ELOVL6: variants seen among roughly 807,000 people sequenced by gnomAD.
ELOVL6 encodes ELOVL fatty acid elongase 6.
A neutral mutation model predicts 31.7 loss-of-function variants in ELOVL6; 8 were observed. That is an observed-to-expected ratio of 0.25 (90% confidence interval 0.15 to 0.45). ELOVL6 has a LOEUF of 0.45. Ranked by LOEUF, ELOVL6 falls within the 20% of genes least tolerant of loss-of-function variation. The pLI, the probability that ELOVL6 is intolerant of heterozygous loss-of-function variation, is 1.00. For synonymous variants in ELOVL6, 101 were observed against 117.7 expected (o/e 0.86, Z 0.92); for missense variants, 126 against 326.4 (o/e 0.39, Z 4.73).
intron 1 of ELOVL6, among the ~76,000 whole-genome samples, chr4:110,158,657 A>ATATATTTT: frequency 1.9e-4 from 14 of 74,160 alleles, no homozygotes; most frequent in African/African-American, 1.2e-3. Context: ...ATATATATAT[A>ATATATTTT]TTTTTTTTTT....
chr4:110,093,733 T>C (rs1756486001), intron 2 of ELOVL6, among the ~76,000 whole-genome samples: 1 of 152,130 alleles, frequency 6.6e-6, no homozygotes, highest in South Asian at 2.1e-4. Context: ...CAAAAATCAC[T>C]GCCCTCATGG....
chr4:110,141,057 G>A (rs1389101186), intron 1 of ELOVL6, among the ~76,000 whole-genome samples: 4 of 151,568 alleles, frequency 2.6e-5, no homozygotes, highest in African/African-American at 9.8e-5. Flanking sequence ...TTCAAGTATT[G>A]AATTGGTTTT....
Position 110,137,403 on chromosome 4 carries a change from CAG to C in ELOVL6, c.90-31777_90-31776del, listed in dbSNP as rs200101974. On this transcript the variant is annotated intron_variant, in intron 1 of 3. Coordinates refer to ENST00000302274, the MANE Select transcript of ELOVL6 (RefSeq NM_024090.3). ...CTTTCTTTGGGGCAAAGTTGGAAAG[CAG>C]AGGTCAAAGTCAATCAGAAATGGGA... Among the ~76,000 whole-genome samples, 389 of 152,242 alleles carry C rather than the reference CAG, an allele frequency of 2.6e-3. 5 individuals carry two copies. Among genetic ancestry groups the C allele is most frequent in the East Asian group, 4.2e-3 (22 of 5,184 alleles).
At chr4:110,177,694 A>G (rs972536139) in intron 1 of ELOVL6, among the ~76,000 whole-genome samples, 2 of 152,140 alleles carry the variant, frequency 1.3e-5, no homozygotes, top group South Asian at 4.1e-4. Context: ...GATAGAACCT[A>G]GGTCATTGAT....
chr4:110,112,907 C>T (rs1045753827), intron 1 of ELOVL6, among the ~76,000 whole-genome samples: 1 of 151,142 alleles, frequency 6.6e-6, no homozygotes, highest in East Asian at 2.0e-4. Context: ...AATTAAAATC[C>T]ATTCAATTTT....
At chr4:110,149,078 T>A (rs1484556746) in intron 1 of ELOVL6, among the ~76,000 whole-genome samples, 1 of 152,172 alleles carries the variant, frequency 6.6e-6, no homozygotes, top group East Asian at 1.9e-4. Flanking sequence ...CTGAGGCTGG[T>A]CTTGAACTCC....
At chr4:110,112,557 T>C (rs1387910311) in intron 1 of ELOVL6, among the ~76,000 whole-genome samples, 2 of 152,194 alleles carry the variant, frequency 1.3e-5, no homozygotes, top group Admixed American at 6.5e-5. Flanking sequence ...CTTGCTGCTC[T>C]AGTTAGCAAA....
chr4:110,093,686 A>G (rs2126240673), intron 2 of ELOVL6, among the ~76,000 whole-genome samples: 1 of 152,310 alleles, frequency 6.6e-6, no homozygotes, highest in Admixed American at 6.5e-5. Flanking sequence ...AAGAGCACCT[A>G]CTTAGGCACT....
Position 110,090,606 on chromosome 4 carries a change from T to TG in ELOVL6, c.221+14890_221+14891insC, listed in dbSNP as rs201689820. Among the ~76,000 whole-genome samples, 198 of 139,974 alleles carry TG rather than the reference T, an allele frequency of 1.4e-3. 4 individuals are homozygous for TG. Among genetic ancestry groups the TG allele is most frequent in the Middle Eastern group, 3.6e-3 (1 of 278 alleles). The allele number at this position is 139,974 out of a possible 152,430, so 91.8% of individuals were successfully genotyped here. On this transcript the variant is annotated intron_variant, in intron 2 of 3. Transcript: ENST00000302274. ...TACAGGAAAGTTTGACTTTCTTTTTTTTTTTTTTTTTTTTCATGAGACGGA... is the reference window on the plus strand; with the variant it reads ...TACAGGAAAGTTTGACTTTCTTTTTTGTTTTTTTTTTTTTTCATGAGACGGA...
intron 1 of ELOVL6, among the ~76,000 whole-genome samples, chr4:110,185,683 A>G (rs1234098553): frequency 6.6e-6 from 1 of 152,216 alleles, no homozygotes; most frequent in African/African-American, 2.4e-5. Context: ...AGAAATGGAA[A>G]TAAAAGTCAG....
At chr4:110,167,156 T>C (rs1758801330) in intron 1 of ELOVL6, among the ~76,000 whole-genome samples, 1 of 152,210 alleles carries the variant, frequency 6.6e-6, no homozygotes, top group East Asian at 1.9e-4. Flanking sequence ...AGGGTTTCAG[T>C]ATCTCTCCAC....
chr4:110,048,292 A>G lies in ELOVL6; in HGVS notation c.*3046T>C, dbSNP rs1005043656. ...TAAGCAACACTAGAAGGTCCACGTA[A>G]ACCCCCTGCTTTATGAATAGAGCAT... On this transcript the variant is annotated 3_prime_UTR_variant, in exon 4 of 4. Coordinates refer to ENST00000302274, the MANE Select transcript of ELOVL6 (RefSeq NM_024090.3). 1 of 152,200 alleles carries G rather than the reference A, an allele frequency of 6.6e-6. No individual in the cohort carries two copies. Among genetic ancestry groups the G allele is most frequent in the African/African-American group, 2.4e-5 (1 of 41,440 alleles). 9.4% of individuals were successfully genotyped at this position (152,200 alleles called of 1,614,324 possible). A position where few individuals can be genotyped will look rare whatever the true frequency, so the allele number is the denominator to read the frequency against.
intron 1 of ELOVL6, among the ~76,000 whole-genome samples, chr4:110,113,260 T>A (rs72679228): frequency 0.088 from 12,697 of 144,344 alleles, 730 homozygotes; most frequent in Middle Eastern, 0.13. Flanking sequence ...AAGCTTGCCA[T>A]CACCCCCAAG....
At chr4:110,064,032 C>T (rs1374124254) in intron 2 of ELOVL6, among the ~76,000 whole-genome samples, 1 of 147,146 alleles carries the variant, frequency 6.8e-6, no homozygotes. Context: ...GAGCTGAGAT[C>T]GCGCCATTGC....
chr4:110,156,321 GA>G (rs576076053), intron 1 of ELOVL6, among the ~76,000 whole-genome samples: 141 of 152,238 alleles, frequency 9.3e-4, no homozygotes, highest in Non-Finnish European at 1.6e-3. Context: ...AGGAGATAAT[GA>G]AAGGTAAGGG....
chr4:110,046,778 A>C lies in ELOVL6; in HGVS notation c.*4560T>G, dbSNP rs1345007951. The C allele has an allele frequency of 1.3e-5, 2 of 152,246 alleles. No individual in the cohort carries two copies. The highest frequency in any genetic ancestry group is 2.4e-5 in the African/African-American group (1 of 41,468). 9.4% of individuals were successfully genotyped at this position (152,246 alleles called of 1,614,324 possible). A position where few individuals can be genotyped will look rare whatever the true frequency, so the allele number is the denominator to read the frequency against. On this transcript the variant is annotated 3_prime_UTR_variant, in exon 4 of 4. Coordinates refer to ENST00000302274, the MANE Select transcript of ELOVL6 (RefSeq NM_024090.3). ...TTTTGTGTAAGTCTTGGACACCAGC[A>C]TACAGAGGCTGTTGCTCATTGGCAA...
intron 2 of ELOVL6, among the ~76,000 whole-genome samples, chr4:110,104,425 A>C (rs1201865748): frequency 6.6e-6 from 1 of 152,168 alleles, no homozygotes; most frequent in African/African-American, 2.4e-5. Flanking sequence ...GTGGTGAGTA[A>C]GTGGGTGTTT....
At chr4:110,084,549 C>G (rs1474769891) in intron 2 of ELOVL6, among the ~76,000 whole-genome samples, 1,703 of 72,514 alleles carry the variant, frequency 0.023, 125 homozygotes, top group African/African-American at 0.096. Context: ...CACACACACA[C>G]ACACACACAC....
intron 1 of ELOVL6, among the ~76,000 whole-genome samples, chr4:110,144,485 A>G (rs1256302565): frequency 6.6e-6 from 1 of 152,220 alleles, no homozygotes; most frequent in Non-Finnish European, 1.5e-5. Context: ...TGAACATTTT[A>G]TATAAATAAT....
Sources: allele counts gnomAD v4.1 joint callset (sites outside exome capture counted in the v4.1 genomes callset), GRCh38; gene constraint gnomAD v4.1.1; transcripts MANE v1.5; gene names NCBI Gene and HGNC (gene_info 2026-07-23, HGNC 2026-07-21).